The following AGBL1 variants were observed in gnomAD, a reference collection of about 807,000 sequenced individuals.
AGBL1 encodes AGBL carboxypeptidase 1, also known as cytosolic carboxypeptidase 4.
A neutral mutation model predicts 118.9 loss-of-function variants in AGBL1; 130 were observed. The ratio of observed to expected loss-of-function variants is 1.09; its 90% CI spans 0.95 to 1.26. AGBL1 has a LOEUF of 1.26. Ranked by LOEUF, AGBL1 falls within the 50% of genes most tolerant of loss-of-function variation. The pLI is 0.00. For synonymous variants in AGBL1, 555 were observed against 478.9 expected (o/e 1.16, Z -2.08); for missense variants, 1,584 against 1,298.1 (o/e 1.22, Z -3.38).
chr15:86,977,994 A>G (rs2081192309), intron 23 of AGBL1, among the ~76,000 whole-genome samples: 1 of 152,124 alleles, frequency 6.6e-6, no homozygotes, highest in Non-Finnish European at 1.5e-5. Flanking sequence ...CTTCTAAGCT[A>G]TCATGTTTCT....
intron 19 of AGBL1, among the ~76,000 whole-genome samples, chr15:86,544,360 C>T (rs1379721408): frequency 6.6e-6 from 1 of 152,156 alleles, no homozygotes; most frequent in Non-Finnish European, 1.5e-5. Context: ...AGACAGCAAA[C>T]CCCTTAATAT....
At chr15:86,827,240 A>G (rs1301866007) in intron 22 of AGBL1, among the ~76,000 whole-genome samples, 6 of 141,674 alleles carry the variant, frequency 4.2e-5, no homozygotes, top group African/African-American at 1.5e-4. Context: ...GCCAGCTATT[A>G]AATAGGATTT....
chr15:86,740,883 T>A (rs1383820608), intron 22 of AGBL1, among the ~76,000 whole-genome samples: 1 of 152,148 alleles, frequency 6.6e-6, no homozygotes, highest in African/African-American at 2.4e-5. Context: ...AATTGATAAC[T>A]GGAATGCCGC....
chr15:86,483,136 A>G (rs1045462737), intron 18 of AGBL1, among the ~76,000 whole-genome samples: 3 of 152,128 alleles, frequency 2.0e-5, no homozygotes, highest in Admixed American at 6.6e-5. Context: ...ATGCCTCTCC[A>G]TGGGGCCCAT....
At chr15:86,899,179 T>C (rs1229602661) in intron 22 of AGBL1, among the ~76,000 whole-genome samples, 1 of 152,150 alleles carries the variant, frequency 6.6e-6, no homozygotes, top group Non-Finnish European at 1.5e-5. Context: ...AAAATGTACA[T>C]ATACACCATG....
chr15:86,299,066 T>C (rs184914568), intron 17 of AGBL1, among the ~76,000 whole-genome samples: 12 of 152,336 alleles, frequency 7.9e-5, no homozygotes, highest in Non-Finnish European at 1.2e-4. Context: ...TAACTTATTT[T>C]CAGTTGAGTC....
At chr15:86,456,453 T>A (rs760374596) in intron 18 of AGBL1, among the ~76,000 whole-genome samples, 10 of 152,174 alleles carry the variant, frequency 6.6e-5, no homozygotes, top group Non-Finnish European at 1.3e-4. Flanking sequence ...TTCTTCCCAA[T>A]GACCAGGCAG....
intron 18 of AGBL1, among the ~76,000 whole-genome samples, chr15:86,502,866 C>G (rs4343244): frequency 0.44 from 66,017 of 151,192 alleles, 15,480 homozygotes; most frequent in East Asian, 0.68. Context: ...ATCAGGGACA[C>G]TGTTCTGTAG....
chr15:86,571,404 G>A (rs1033354387), intron 21 of AGBL1, among the ~76,000 whole-genome samples: 4 of 152,144 alleles, frequency 2.6e-5, no homozygotes, highest in Non-Finnish European at 4.4e-5. Flanking sequence ...GAAGAGGAGC[G>A]TTATTGAGCA....
chr15:86,211,120 C>G (rs768981757), intron 5 of AGBL1, among the ~76,000 whole-genome samples: 3 of 152,136 alleles, frequency 2.0e-5, no homozygotes, highest in Non-Finnish European at 2.9e-5. Context: ...CACTCCAGAC[C>G]CTGTTTGTCT....
rs755559068 is a variant in AGBL1, at chr15:86,257,011, A to G, written c.894A>G (p.Leu298=). 16 of 1,613,008 alleles carry G rather than the reference A, an allele frequency of 9.9e-6. No homozygotes were observed. Among genetic ancestry groups the G allele is most frequent in the Non-Finnish European group, 1.4e-5 (16 of 1,179,572 alleles). ...TCACCACTGAACCTCCACATGATCTACCTGAAGGTAAAATAAGTTGGTAAC... is the reference window on the plus strand; with the variant it reads ...TCACCACTGAACCTCCACATGATCTGCCTGAAGGTAAAATAAGTTGGTAAC... ...GCITTEPPHD[L]PEEDFEDDGD... Residue 298 remains leucine (L), a synonymous_variant, in exon 8 of 23, where the codon CTA becomes CTG. Transcript: ENST00000614907.
intron 5 of AGBL1, among the ~76,000 whole-genome samples, chr15:86,171,424 T>C (rs2077413772): frequency 6.6e-6 from 1 of 152,172 alleles, no homozygotes; most frequent in Non-Finnish European, 1.5e-5. Context: ...AAATGGTATA[T>C]TAACAATTAA....
At chr15:86,647,161 A>G (rs1199028837) in intron 21 of AGBL1, among the ~76,000 whole-genome samples, 1 of 152,194 alleles carries the variant, frequency 6.6e-6, no homozygotes, top group Non-Finnish European at 1.5e-5. Flanking sequence ...GCTAGAATTA[A>G]TAGTTTAAAA....
chr15:86,542,327 C>G (rs190004690), intron 19 of AGBL1, among the ~76,000 whole-genome samples: 19 of 150,090 alleles, frequency 1.3e-4, no homozygotes, highest in African/African-American at 4.4e-4. Context: ...CCTTTGAAGG[C>G]CAGGTTTGTA....
intron 18 of AGBL1, among the ~76,000 whole-genome samples, chr15:86,447,629 C>A (rs76586631): frequency 0.041 from 6,173 of 152,224 alleles, 182 homozygotes; most frequent in East Asian, 0.085. Flanking sequence ...ACTGAGGAAA[C>A]CTTGCTCTAA....
chr15:86,330,532 T>A (rs900937716), intron 17 of AGBL1, among the ~76,000 whole-genome samples: 2 of 152,140 alleles, frequency 1.3e-5, no homozygotes, highest in African/African-American at 4.8e-5. Flanking sequence ...CATCCCCAGA[T>A]GAGAAGGAAA....
At chr15:86,980,745 C>T (rs1041742804) in intron 23 of AGBL1, among the ~76,000 whole-genome samples, 3 of 152,120 alleles carry the variant, frequency 2.0e-5, no homozygotes, top group Middle Eastern at 3.4e-3. Context: ...AGTTCTCATT[C>T]GTTTCTCTTG....
chr15:86,938,141 C>T (rs2080698945), intron 23 of AGBL1, among the ~76,000 whole-genome samples: 1 of 152,166 alleles, frequency 6.6e-6, no homozygotes, highest in Non-Finnish European at 1.5e-5. Context: ...AGTGTGGTCC[C>T]TAATTTTCCA....
intron 22 of AGBL1, among the ~76,000 whole-genome samples, chr15:86,727,239 C>T (rs143356802): frequency 6.6e-6 from 1 of 152,032 alleles, no homozygotes; most frequent in Non-Finnish European, 1.5e-5. Flanking sequence ...TACTCAGGGA[C>T]CTTCCACACC....
Sources: allele counts gnomAD v4.1 joint callset (sites outside exome capture counted in the v4.1 genomes callset), GRCh38; gene constraint gnomAD v4.1.1; transcripts MANE v1.5; gene names NCBI Gene and HGNC (gene_info 2026-07-23, HGNC 2026-07-21).